ATRX: variants seen among roughly 807,000 people sequenced by gnomAD.
ATRX encodes the protein ATRX chromatin remodeler.
ATRX carries 12 observed loss-of-function variants against 172.6 expected under a neutral mutation model. The observed-to-expected ratio is 0.07, with a 90% CI of 0.04 to 0.11. The LOEUF is 0.11. Ranked by LOEUF, ATRX falls within the 10% of genes least tolerant of loss-of-function variation. The pLI is 1.00. For missense variants in ATRX, 1,368 were observed against 1,767.4 expected, an observed-to-expected ratio of 0.77 and a Z score of 4.05; for synonymous variants, 674 against 594.7, an observed-to-expected ratio of 1.13 and a Z score of -1.94.
At chrX:77,737,435 A>AG (rs1210379916) in intron 1 of ATRX, among the ~76,000 whole-genome samples, 9,712 of 38,891 alleles carry the variant, frequency 0.25, 1,279 homozygotes, top group African/African-American at 0.41. Flanking sequence ...AAAAAAAAAA[A>AG]GGGGGGGGGG....
intron 15 of ATRX, among the ~76,000 whole-genome samples, chrX:77,646,867 G>A (rs1557114065): frequency 9.2e-6 from 1 of 108,405 alleles, no homozygotes; most frequent in African/African-American, 3.4e-5. Flanking sequence ...AGGCTACAGT[G>A]AGCTATGATC....
At chrX:77,604,482 G>T (rs2066821000) in intron 22 of ATRX, among the ~76,000 whole-genome samples, 1 of 111,817 alleles carries the variant, frequency 8.9e-6, no homozygotes, top group South Asian at 3.7e-4. Context: ...TTATTAAAAA[G>T]TCAAAAAATA....
At chrX:77,661,605 C>G (rs1271506052) in intron 12 of ATRX, among the ~76,000 whole-genome samples, 6 of 111,069 alleles carry the variant, frequency 5.4e-5, no homozygotes, top group Non-Finnish European at 9.4e-5. Context: ...GTACTAACAA[C>G]AGTCTTCAAA....
intron 6 of ATRX, among the ~76,000 whole-genome samples, chrX:77,691,615 TATA>T (rs1325571499): frequency 8.9e-6 from 1 of 111,812 alleles, no homozygotes; most frequent in South Asian, 3.7e-4. Flanking sequence ...ATCTTTGTGT[TATA>T]ATATTATTCC....
At chrX:77,521,332 T>TA in intron 33 of ATRX, 71 bp downstream of exon 33, 8 of 842,626 alleles carry the variant, frequency 9.5e-6, no homozygotes, top group South Asian at 2.1e-5. Flanking sequence ...ATTAAAAATT[T>TA]AAAAAAATGG....
rs1219790967 is a variant in ATRX at position 77,684,243 on chromosome X, G to C, written c.1013C>G (p.Ser338Cys). The change falls in exon 9 of 35, where the codon TCT (serine) becomes TGT (cysteine). Residue 338 changes from serine to cysteine, a missense_variant. Physicochemically the swap from Ser to Cys is moderately radical, Grantham distance 112 (BLOSUM62 -1). This residue lies in a region of ATRX where 843 missense variants were observed against 643.1 expected (regional missense o/e 1.31). Coordinates refer to ENST00000373344, the MANE Select transcript of ATRX (RefSeq NM_000489.6). The stretch of plus-strand genomic sequence containing the variant: ...TAGTGCGGAATAAGAGTAGGTTACA[G>C]AGCCAGAACAGGAATCATCTAATTT... ...EKKLDDSCSG[S>C]VTYSYSALIV... The C allele has an allele frequency of 3.3e-6, 4 of 1,209,423 alleles. No homozygotes were observed. Among genetic ancestry groups the C allele is most frequent in the South Asian group, 3.5e-5 (2 of 56,847 alleles).
At chrX:77,660,743 C>T (rs2069840579) in intron 12 of ATRX, among the ~76,000 whole-genome samples, 1 of 110,687 alleles carries the variant, frequency 9.0e-6, no homozygotes, top group African/African-American at 3.3e-5. Flanking sequence ...TAGTGAATAA[C>T]TCTTGCCCAA....
rs782335042 is a variant in ATRX at position 77,680,171 on chromosome X, T to G, written c.3736+1349A>C. Among the ~76,000 whole-genome samples the G allele has an allele frequency of 4.5e-5, 5 of 111,077 alleles. No homozygotes were observed. The South Asian group carries it at 1.9e-3, about 41-fold the overall frequency. ...AGCTTTTATAAAATATATAGTAACTTCTCTCTATTATTTTTCTAAAAACCA... is the reference window on the plus strand; with the variant it reads ...AGCTTTTATAAAATATATAGTAACTGCTCTCTATTATTTTTCTAAAAACCA... On this transcript the variant is annotated intron_variant, in intron 9 of 34. Coordinates refer to ENST00000373344, the MANE Select transcript of ATRX (RefSeq NM_000489.6).
intron 1 of ATRX, among the ~76,000 whole-genome samples, chrX:77,764,809 T>C (rs1383824914): frequency 8.9e-6 from 1 of 112,117 alleles, no homozygotes; most frequent in African/African-American, 3.2e-5. Context: ...ACTACACAAA[T>C]TCAATGTAGA....
At chrX:77,732,398 C>T (rs1265417402) in intron 1 of ATRX, among the ~76,000 whole-genome samples, 1 of 111,781 alleles carries the variant, frequency 8.9e-6, no homozygotes, top group Non-Finnish European at 1.9e-5. Context: ...CAAACTATTC[C>T]AAAAAATAAA....
At chrX:77,727,521 A>G (rs1477938885) in intron 1 of ATRX, among the ~76,000 whole-genome samples, 1 of 111,401 alleles carries the variant, frequency 9.0e-6, no homozygotes, top group Non-Finnish European at 1.9e-5. Context: ...ATCAGTTCAT[A>G]TATTTTGCAG....
chrX:77,633,395 G>A lies in ATRX; in HGVS notation c.4957-11C>T, dbSNP rs2068198642. On this transcript the variant is annotated splice_polypyrimidine_tract_variant and intron_variant, in intron 18 of 34. Transcript: ENST00000373344. ...TGCTAATTCAGAAACCTTTTGTGGGGAAATAAAGATTTTTTTAAGTAGCTA... is the reference window on the plus strand; with the variant it reads ...TGCTAATTCAGAAACCTTTTGTGGGAAAATAAAGATTTTTTTAAGTAGCTA... 2.5e-6 allele frequency: 3 copies of A among 1,200,282 alleles called. No homozygotes were observed. The South Asian group carries it at 5.5e-5, about 22-fold the overall frequency.
chrX:77,701,836 C>T (rs1245294503), intron 2 of ATRX, among the ~76,000 whole-genome samples: 5 of 111,677 alleles, frequency 4.5e-5, no homozygotes, highest in African/African-American at 9.8e-5. Context: ...GAGGCTGAGG[C>T]GGGTGGATCA....
At chrX:77,620,243 GT>G in intron 20 of ATRX, 151 bp downstream of exon 20, 3 of 547,717 alleles carry the variant, frequency 5.5e-6, no homozygotes, top group Non-Finnish European at 8.7e-6. Flanking sequence ...TGAAAAGTAT[GT>G]TATTCTTTCA....
chrX:77,569,854 T>C (rs963960429), intron 28 of ATRX, among the ~76,000 whole-genome samples: 2 of 112,212 alleles, frequency 1.8e-5, no homozygotes, highest in Non-Finnish European at 3.8e-5. Flanking sequence ...ATCAATTCTC[T>C]ACAAATTAGT....
At chrX:77,765,417 C>T (rs1364685794) in intron 1 of ATRX, among the ~76,000 whole-genome samples, 1 of 111,988 alleles carries the variant, frequency 8.9e-6, no homozygotes, top group Non-Finnish European at 1.9e-5. Flanking sequence ...ATAAAAATCA[C>T]TTTAAGATAC....
chrX:77,591,978 A>C (rs1225178060), intron 26 of ATRX, among the ~76,000 whole-genome samples: 4 of 111,963 alleles, frequency 3.6e-5, no homozygotes, highest in Non-Finnish European at 7.5e-5. Context: ...GTTAGGATTA[A>C]ATGTCTATAC....
At chrX:77,552,652 A>G (rs1434222886) in intron 30 of ATRX, among the ~76,000 whole-genome samples, 2 of 111,617 alleles carry the variant, frequency 1.8e-5, no homozygotes, top group African/African-American at 6.5e-5. Context: ...TTCACTAAGG[A>G]TACTGAAGGA....
chrX:77,762,535 A>C (rs2075757592), intron 1 of ATRX, among the ~76,000 whole-genome samples: 1 of 111,190 alleles, frequency 9.0e-6, no homozygotes, highest in Non-Finnish European at 1.9e-5. Flanking sequence ...GAGTTGTCAT[A>C]ATGTGGAACT....
Sources: gnomAD v4.1 joint callset for allele counts (sites outside exome capture counted in the v4.1 genomes callset) on GRCh38, gnomAD v4.1.1 for gene constraint, gnomAD v4.1.1 regional missense constraint, MANE v1.5 for transcripts, NCBI Gene and HGNC (gene_info 2026-07-23, HGNC 2026-07-21) for gene names.